Variants in PRKD1 observed in about 807,000 individuals in gnomAD.
PRKD1 encodes serine/threonine-protein kinase D1.
A neutral mutation model predicts 95.9 loss-of-function variants in PRKD1; 63 were observed. The ratio of observed to expected loss-of-function variants is 0.66; its 90% CI spans 0.54 to 0.81. PRKD1 has a LOEUF of 0.81. Among genes scored for constraint, PRKD1 ranks in the 30% least tolerant of loss-of-function variants. The pLI is 0.00. For missense variants in PRKD1, 1,048 were observed against 1,165.3 expected, an observed-to-expected ratio of 0.90 and a Z score of 1.47; for synonymous variants, 425 against 423.1, an observed-to-expected ratio of 1.00 and a Z score of -0.05.
At chr14:29,687,839 G>A (rs754807275) in intron 2 of PRKD1, among the ~76,000 whole-genome samples, 4 of 152,078 alleles carry the variant, frequency 2.6e-5, no homozygotes, top group East Asian at 1.9e-4. Flanking sequence ...ACATAAACAC[G>A]CCCTCATAAG....
chr14:29,904,789 A>G (rs535328798), intron 1 of PRKD1, among the ~76,000 whole-genome samples: 1 of 152,336 alleles, frequency 6.6e-6, no homozygotes, highest in South Asian at 2.1e-4. Context: ...TGGATTAATA[A>G]AACCTGAAAA....
At chr14:29,620,101 T>C (rs1478903418) in intron 13 of PRKD1, among the ~76,000 whole-genome samples, 1 of 151,598 alleles carries the variant, frequency 6.6e-6, no homozygotes, top group Non-Finnish European at 1.5e-5. Context: ...TAAATGGTGC[T>C]GGGAAAACTG....
chr14:29,851,148 G>A lies in PRKD1; in HGVS notation c.264+76101C>T, dbSNP rs528846358. Among the ~76,000 whole-genome samples, 8 of 152,098 alleles carry A rather than the reference G, an allele frequency of 5.3e-5. No homozygotes were observed. The South Asian group carries it at 8.3e-4, about 16-fold the overall frequency. ...CTACAAGAAAACCTAGAAAATGTCCGTCTTGACATTGGCCTGGGCAAAGAA... is the reference window on the plus strand; with the variant it reads ...CTACAAGAAAACCTAGAAAATGTCCATCTTGACATTGGCCTGGGCAAAGAA... On this transcript the variant is annotated intron_variant, in intron 1 of 17. Transcript: ENST00000331968.
At position 29,599,677 on chromosome 14, in the gene PRKD1, T is replaced by C. The variant is rs371711941; in HGVS notation, c.2046A>G (p.Ile682Met). The change falls in exon 14 of 18, where the codon ATA becomes ATG. Residue 682 changes from isoleucine to methionine, a missense_variant. Physicochemically the swap from Ile to Met is conservative, Grantham distance 10. Around this residue, in one of 3 missense-constraint regions of PRKD1, gnomAD observed 739 missense variants for 861.9 expected, o/e 0.86. Coordinates refer to ENST00000331968, the MANE Select transcript of PRKD1 (RefSeq NM_002742.3). ...TTACCTGAGTAATTAAAAACTTCGT[T>C]ATGTGCTCTGGCAACCTGCCCTTTT... The part of the protein sequence containing the change: ...SSEKGRLPEH[I>M]TKFLITQILV... The C allele has an allele frequency of 5.0e-6, 8 of 1,611,980 alleles. No individual in the cohort carries two copies. Among genetic ancestry groups the C allele is most frequent in the South Asian group, 1.1e-5 (1 of 90,610 alleles).
At chr14:29,689,375 C>T (rs1884096233) in intron 2 of PRKD1, among the ~76,000 whole-genome samples, 1 of 152,054 alleles carries the variant, frequency 6.6e-6, no homozygotes, top group South Asian at 2.1e-4. Flanking sequence ...CATTACTGAT[C>T]ATTAGAGAAA....
At chr14:29,796,536 G>T (rs1208715528) in intron 1 of PRKD1, among the ~76,000 whole-genome samples, 1 of 152,110 alleles carries the variant, frequency 6.6e-6, no homozygotes, top group East Asian at 1.9e-4. Context: ...TCATGAGACT[G>T]AATGAGATCC....
intron 2 of PRKD1, among the ~76,000 whole-genome samples, chr14:29,684,253 C>A (rs4981715): frequency 0.2 from 30,602 of 151,206 alleles, 3,124 homozygotes; most frequent in South Asian, 0.24. Flanking sequence ...TGGGTTCAAG[C>A]GATTCTCCTA....
At chr14:29,579,525 A>G (rs1188750202) in intron 16 of PRKD1, among the ~76,000 whole-genome samples, 1 of 152,152 alleles carries the variant, frequency 6.6e-6, no homozygotes, top group Non-Finnish European at 1.5e-5. Flanking sequence ...TTGAATAGGC[A>G]GCTTTGAATC....
chr14:29,632,424 C>T (rs1266099953), intron 9 of PRKD1, among the ~76,000 whole-genome samples: 1 of 151,750 alleles, frequency 6.6e-6, no homozygotes, highest in East Asian at 1.9e-4. Flanking sequence ...AAATTGCTGC[C>T]ATTTTTTTCT....
chr14:29,609,506 G>A (rs376482112), intron 13 of PRKD1, among the ~76,000 whole-genome samples: 1 of 127,486 alleles, frequency 7.8e-6, no homozygotes, highest in East Asian at 2.4e-4. Flanking sequence ...GTGTGTGCGT[G>A]CACACACACA....
chr14:29,777,123 T>C (rs887059108), intron 1 of PRKD1, among the ~76,000 whole-genome samples: 2 of 152,228 alleles, frequency 1.3e-5, no homozygotes, highest in African/African-American at 4.8e-5. Flanking sequence ...CAGGCCTGCC[T>C]TACAAGAGCT....
At chr14:29,748,498 G>A (rs1245173782) in intron 1 of PRKD1, among the ~76,000 whole-genome samples, 1 of 152,174 alleles carries the variant, frequency 6.6e-6, no homozygotes, top group Non-Finnish European at 1.5e-5. Flanking sequence ...TGGGAGTGGA[G>A]AGAGCTATCA....
intron 13 of PRKD1, among the ~76,000 whole-genome samples, chr14:29,612,123 C>T (rs1334243074): frequency 6.6e-6 from 1 of 152,134 alleles, no homozygotes; most frequent in African/African-American, 2.4e-5. Context: ...CATGTAGGGT[C>T]TACTGGACAA....
At position 29,630,751 on chromosome 14, in the gene PRKD1, T is replaced by A. The variant is rs1879945924; in HGVS notation, c.1663A>T (p.Asn555Tyr). Residue 555 changes from asparagine to tyrosine, a missense_variant, in exon 10 of 18, where the codon AAC becomes TAC. This residue lies in a region of PRKD1 where 739 missense variants were observed against 861.9 expected (regional missense o/e 0.86). Transcript: ENST00000331968. ...PKGSSVGTGT[N>Y]LHRDISVSIS... ...AAACTGGCAGACTCACTGTGCAAGTTGGTTCCTGTACCCACGGAGGAGCCC... is the reference window on the plus strand; with the variant it reads ...AAACTGGCAGACTCACTGTGCAAGTAGGTTCCTGTACCCACGGAGGAGCCC... 1.2e-6 allele frequency: 2 copies of A among 1,614,072 alleles called. No individual in the cohort carries two copies. Among genetic ancestry groups the A allele is most frequent in the Non-Finnish European group, 1.7e-6 (2 of 1,179,984 alleles).
At chr14:29,763,048 C>G (rs1888073148) in intron 1 of PRKD1, among the ~76,000 whole-genome samples, 1 of 143,532 alleles carries the variant, frequency 7.0e-6, no homozygotes, top group Non-Finnish European at 1.5e-5. Context: ...CCAGCCTATG[C>G]TAAGGTGTTT....
chr14:29,620,876 T>C (rs1355380499), intron 13 of PRKD1, among the ~76,000 whole-genome samples: 2 of 151,660 alleles, frequency 1.3e-5, no homozygotes, highest in Non-Finnish European at 2.9e-5. Context: ...CACATGCACA[T>C]GTATGTTTAT....
At chr14:29,610,885 GA>G (rs1878414642) in intron 13 of PRKD1, among the ~76,000 whole-genome samples, 1 of 152,182 alleles carries the variant, frequency 6.6e-6, no homozygotes, top group African/African-American at 2.4e-5. Context: ...ATTACTAAGT[GA>G]AAGAAAGCAA....
In PRKD1 at chr14:29,878,305, GT is replaced by G. The variant is rs549513257; in HGVS notation, c.264+48943del. ...CATGTACCCTGAATCTAAAATAAAA[GT>G]TTTTTTTTTAAAGAAAAATCTGGAG... On this transcript the variant is annotated intron_variant, in intron 1 of 17. Transcript: ENST00000331968. 1.0e-3 allele frequency among the ~76,000 whole-genome samples: 71 copies of G among 69,442 alleles called. 1 individual carries two copies. The highest frequency in any genetic ancestry group is 9.2e-4 in the South Asian group (2 of 2,182). The allele number at this position is 69,442 out of a possible 152,430, so 45.6% of individuals were successfully genotyped here.
At chr14:29,810,899 G>T (rs1452497288) in intron 1 of PRKD1, among the ~76,000 whole-genome samples, 1 of 152,124 alleles carries the variant, frequency 6.6e-6, no homozygotes, top group Non-Finnish European at 1.5e-5. Context: ...AAGATGCAAG[G>T]GTTTTATTGT....
Sources: gnomAD v4.1 joint callset for allele counts (sites outside exome capture counted in the v4.1 genomes callset) on GRCh38, gnomAD v4.1.1 for gene constraint, gnomAD v4.1.1 regional missense constraint, MANE v1.5 for transcripts, NCBI Gene and HGNC (gene_info 2026-07-23, HGNC 2026-07-21) for gene names.